Variants in DNAJC3 observed in about 807,000 individuals in gnomAD.
The protein encoded by DNAJC3 is DnaJ heat shock protein family (Hsp40) member C3.
In DNAJC3, 38 loss-of-function variants were observed where a neutral mutation model predicts 68.6. The observed-to-expected ratio is 0.55, with a 90% CI of 0.43 to 0.73. The LOEUF is 0.73. Among genes scored for constraint, DNAJC3 ranks in the 30% least tolerant of loss-of-function variants. The pLI is 0.00. For missense variants in DNAJC3, 526 were observed against 591.9 expected, an observed-to-expected ratio of 0.89 and a Z score of 1.16; for synonymous variants, 203 against 204.0, an observed-to-expected ratio of 1.00 and a Z score of 0.04.
At chr13:95,725,285 T>C in intron 4 of DNAJC3, 33 bp downstream of exon 4, 3 of 1,502,216 alleles carry the variant, frequency 2.0e-6, no homozygotes, top group Non-Finnish European at 2.7e-6. Context: ...TCTAGGAAGA[T>C]GTTATTTTGA....
chr13:95,723,374 T>C lies in DNAJC3; in HGVS notation c.318+8T>C, dbSNP rs753151298. 3 of 1,603,946 alleles carry C rather than the reference T, an allele frequency of 1.9e-6. No individual in the cohort carries two copies. In the South Asian group the frequency reaches 3.3e-5, roughly 18 times the overall value. On this transcript the variant is annotated splice_region_variant and intron_variant, in intron 3 of 11. Transcript: ENST00000602402. ...AAGATGGACTTCACTGCAGTAAGTA[T>C]ATCTCAACTTTCTTTAAAGGGGAAC...
At chr13:95,738,470 AG>A (rs1882007995) in intron 4 of DNAJC3, among the ~76,000 whole-genome samples, 1 of 151,318 alleles carries the variant, frequency 6.6e-6, no homozygotes, top group Non-Finnish European at 1.5e-5. Flanking sequence ...GTCTCTTTGT[AG>A]GTCACTCAGG....
In DNAJC3 at chr13:95,734,468, T is replaced by C. The variant is rs75948481; in HGVS notation, c.393+9216T>C. On this transcript the variant is annotated intron_variant, in intron 4 of 11. Coordinates refer to ENST00000602402, the MANE Select transcript of DNAJC3 (RefSeq NM_006260.5). ...AGAACTTTCTCCTAGTTTTTGACTT[T>C]TGACAGTTTGATTGCTATGTGCCAT... 3.3e-5 allele frequency among the ~76,000 whole-genome samples: 5 copies of C among 152,356 alleles called. No individual in the cohort carries two copies. The East Asian group carries it at 7.7e-4, about 24-fold the overall frequency.
Position 95,723,334 on chromosome 13 carries a change from A to G in DNAJC3, c.286A>G (p.Lys96Glu). Residue 96 changes from lysine to glutamate, a missense_variant, in exon 3 of 12, where the codon AAA becomes GAA. Coordinates refer to ENST00000602402, the MANE Select transcript of DNAJC3 (RefSeq NM_006260.5). Reference protein sequence around the residue: ...KSKAALPDLTKVIQLKMDFTA... With the variant: ...KSKAALPDLTEVIQLKMDFTA... ...AAAAGCTGCACTTCCTGATTTAACT[A>G]AAGTGATTCAATTGAAGATGGACTT... 3.1e-6 allele frequency: 5 copies of G among 1,612,092 alleles called. No homozygotes were observed. Among genetic ancestry groups the G allele is most frequent in the Non-Finnish European group, 4.2e-6 (5 of 1,178,550 alleles).
chr13:95,777,086 T>A (rs1298606572), intron 9 of DNAJC3, among the ~76,000 whole-genome samples: 3 of 152,110 alleles, frequency 2.0e-5, no homozygotes, highest in Non-Finnish European at 4.4e-5. Context: ...CTCAGGGAGG[T>A]CCTAAGAGAA....
chr13:95,753,742 AGT>A (rs1415371427), intron 4 of DNAJC3, among the ~76,000 whole-genome samples: 2 of 152,210 alleles, frequency 1.3e-5, no homozygotes, highest in African/African-American at 4.8e-5. Context: ...ATCTTTTTAA[AGT>A]GTGTATTAGC....
chr13:95,704,681 G>C (rs894271471), intron 1 of DNAJC3, among the ~76,000 whole-genome samples: 2 of 152,016 alleles, frequency 1.3e-5, no homozygotes, highest in East Asian at 1.9e-4. Context: ...TTATGGAAGA[G>C]AACCAAATAA....
rs1883883101 is a variant in DNAJC3 at position 95,794,051 on chromosome 13, TTTAC to T, written c.*3023_*3026del. 6.6e-6 allele frequency: 1 copy of T among 152,206 alleles called. No individual in the cohort carries two copies. Among genetic ancestry groups the T allele is most frequent in the Non-Finnish European group, 1.5e-5 (1 of 68,036 alleles). 9.4% of individuals were successfully genotyped at this position (152,206 alleles called of 1,614,324 possible). ...GAAAACTTGAAAAAAATCTTGACAGTTTACTAATGTGAATCAGATGTAACGTACT... is the reference window on the plus strand; with the variant it reads ...GAAAACTTGAAAAAAATCTTGACAGTTAATGTGAATCAGATGTAACGTACT... On this transcript the variant is annotated 3_prime_UTR_variant, in exon 12 of 12. Coordinates refer to ENST00000602402, the MANE Select transcript of DNAJC3 (RefSeq NM_006260.5).
intron 1 of DNAJC3, among the ~76,000 whole-genome samples, chr13:95,682,318 C>T (rs1879936389): frequency 6.6e-6 from 1 of 151,972 alleles, no homozygotes; most frequent in African/African-American, 2.4e-5. Context: ...AGTGCTCCAA[C>T]CTGAATAACC....
At chr13:95,787,498 A>G (rs568902873) in intron 11 of DNAJC3, among the ~76,000 whole-genome samples, 2 of 152,180 alleles carry the variant, frequency 1.3e-5, no homozygotes, top group East Asian at 3.9e-4. Context: ...TCAATGATGA[A>G]TTTTCTCCAC....
intron 1 of DNAJC3, among the ~76,000 whole-genome samples, chr13:95,708,816 G>A (rs891825375): frequency 2.0e-5 from 3 of 152,096 alleles, no homozygotes; most frequent in Admixed American, 6.5e-5. Flanking sequence ...CTCACTTATT[G>A]CAGATACCTA....
At chr13:95,750,468 A>T (rs973956989) in intron 4 of DNAJC3, among the ~76,000 whole-genome samples, 8 of 151,940 alleles carry the variant, frequency 5.3e-5, no homozygotes, top group Non-Finnish European at 8.8e-5. Flanking sequence ...TAGAGACCTT[A>T]GTTTGAATTT....
intron 4 of DNAJC3, among the ~76,000 whole-genome samples, chr13:95,735,034 T>C (rs527743254): frequency 2.2e-4 from 33 of 148,510 alleles, no homozygotes; most frequent in Non-Finnish European, 4.6e-4. Flanking sequence ...TGTGATCTCA[T>C]TGTTCAATTC....
At chr13:95,737,618 T>C (rs1593992120) in intron 4 of DNAJC3, among the ~76,000 whole-genome samples, 1 of 152,018 alleles carries the variant, frequency 6.6e-6, no homozygotes, top group South Asian at 2.1e-4. Flanking sequence ...TAGAGGTGTT[T>C]GTAGTATTCT....
In DNAJC3 at chr13:95,763,700, T is replaced by C. The variant is rs770381079; in HGVS notation, c.906T>C (p.Ala302=). 8.1e-6 allele frequency: 13 copies of C among 1,614,080 alleles called. No individual in the cohort carries two copies. In the East Asian group the frequency reaches 2.9e-4, roughly 36 times the overall value. The change falls in exon 8 of 12, where the codon GCT becomes GCC. Residue 302 remains alanine, a synonymous_variant. Coordinates refer to ENST00000602402, the MANE Select transcript of DNAJC3 (RefSeq NM_006260.5). ...ESVMKTEPSI[A]EYTVRSKERI... is the part of the protein sequence containing the mutation. The stretch of plus-strand genomic sequence containing the variant: ...TCATGAAAACAGAGCCAAGCATTGC[T>C]GAATATACAGTTCGTTCAAAGGAGA...
intron 2 of DNAJC3, among the ~76,000 whole-genome samples, chr13:95,713,515 T>A (rs1881041724): frequency 2.0e-5 from 3 of 152,246 alleles, no homozygotes. Context: ...TATACCATGT[T>A]CATGAATAGG....
At chr13:95,684,695 G>A (rs1880024621) in intron 1 of DNAJC3, among the ~76,000 whole-genome samples, 1 of 152,180 alleles carries the variant, frequency 6.6e-6, no homozygotes, top group African/African-American at 2.4e-5. Flanking sequence ...AGAGACCTAG[G>A]AGGGAAGAAC....
rs36030034 is a variant in DNAJC3, at chr13:95,764,683, T to TATATAC, written c.1075+731_1075+732insTATACA. Among the ~76,000 whole-genome samples the TATATAC allele has an allele frequency of 5.8e-3, 507 of 87,958 alleles. 1 individual carries two copies. Among genetic ancestry groups the TATATAC allele is most frequent in the East Asian group, 0.011 (31 of 2,862 alleles). 57.7% of individuals were successfully genotyped at this position (87,958 alleles called of 152,430 possible). On this transcript the variant is annotated intron_variant, in intron 9 of 11. Transcript: ENST00000602402. ...ATATATATATATATATATATATATA[T>TATATAC]ACACACACACACATATATATATACA...
chr13:95,719,440 C>G (rs931778352), intron 2 of DNAJC3, among the ~76,000 whole-genome samples: 3 of 152,176 alleles, frequency 2.0e-5, no homozygotes, highest in African/African-American at 7.2e-5. Context: ...GTAACCAACT[C>G]AACCTTCAAC....
Sources: gnomAD v4.1 joint callset for allele counts (sites outside exome capture counted in the v4.1 genomes callset) on GRCh38, gnomAD v4.1.1 for gene constraint, MANE v1.5 for transcripts, NCBI Gene and HGNC (gene_info 2026-07-23, HGNC 2026-07-21) for gene names.